Variants in FCN1 observed in about 807,000 individuals in gnomAD.
FCN1 encodes the protein ficolin-1.
FCN1 carries 42 observed loss-of-function variants against 35.6 expected under a neutral mutation model. The observed-to-expected ratio is 1.18, with a 90% CI of 0.92 to 1.53. The LOEUF is 1.53. Ranked by LOEUF, FCN1 falls within the 40% of genes most tolerant of loss-of-function variation. FCN1 has a pLI of 0.00. For missense variants in FCN1, 439 were observed against 428.4 expected, an observed-to-expected ratio of 1.02 and a Z score of -0.22; for synonymous variants, 179 against 169.8, an observed-to-expected ratio of 1.05 and a Z score of -0.42.
At chr9:134,912,954 A>T (rs1231297778) in intron 6 of FCN1, 62 bp downstream of exon 6, 6 of 1,580,066 alleles carry the variant, frequency 3.8e-6, no homozygotes, top group Non-Finnish European at 5.2e-6. Context: ...TTCTACAACC[A>T]GGTGTGCAGC....
At position 134,912,494 on chromosome 9, in the gene FCN1, G is replaced by T. The variant is rs1407677747; in HGVS notation, c.590C>A (p.Thr197Asn). 1 of 1,613,978 alleles carries T rather than the reference G, an allele frequency of 6.2e-7. No individual in the cohort carries two copies. Among genetic ancestry groups the T allele is most frequent in the South Asian group, 1.1e-5 (1 of 91,084 alleles). Reference protein sequence around the residue: ...WLGNDNIHALTAQGSSELRVD... With the variant: ...WLGNDNIHALNAQGSSELRVD... The stretch of plus-strand genomic sequence containing the variant: ...CACGGCAGTGGCCCTACCCTGGGCA[G>T]TCAGGGCGTGGATGTTGTCATTCCC... The change falls in exon 7 of 9, where the codon ACT becomes AAT. Residue 197 changes from threonine (T) to asparagine (N), a missense_variant. Transcript: ENST00000371806.
In FCN1 at chr9:134,909,357, G is replaced by A. The variant is rs920602932; in HGVS notation, c.*441C>T. On this transcript the variant is annotated 3_prime_UTR_variant, in exon 9 of 9. Coordinates refer to ENST00000371806, the MANE Select transcript of FCN1 (RefSeq NM_002003.5). ...TTGTGAGTGAGGCATGGGGGGATGG[G>A]GGAGGCTTGGGGGTGGAGGTGAGGA... The A allele has an allele frequency of 2.4e-5, 31 of 1,289,518 alleles. No homozygotes were observed. Among genetic ancestry groups the A allele is most frequent in the Middle Eastern group, 4.2e-4 (2 of 4,722 alleles). 79.9% of individuals were successfully genotyped at this position (1,289,518 alleles called of 1,614,324 possible). A position where few individuals can be genotyped will look rare whatever the true frequency, so the allele number is the denominator to read the frequency against.
rs905586223 is a variant in FCN1, at chr9:134,905,326, G to C, written c.*4472C>G. Among the ~76,000 whole-genome samples, 7 of 152,162 alleles carry C rather than the reference G, an allele frequency of 4.6e-5. No individual in the cohort carries two copies. Among genetic ancestry groups the C allele is most frequent in the Non-Finnish European group, 1.0e-4 (7 of 68,040 alleles). On this transcript the variant is annotated 3_prime_UTR_variant, in exon 9 of 9. Coordinates refer to ENST00000371806, the MANE Select transcript of FCN1 (RefSeq NM_002003.5). ...ACACTCCTACTTGAGAGGTCCCATG[G>C]CCAGGAAGAAGAGCACTGGCCCAAG...
In FCN1 at chr9:134,907,399, T is replaced by C. The variant is rs1830968176; in HGVS notation, c.*2399A>G. 6.6e-6 allele frequency: 1 copy of C among 152,246 alleles called. No individual in the cohort carries two copies. The highest frequency in any genetic ancestry group is 1.5e-5 in the Non-Finnish European group (1 of 68,042). 9.4% of individuals were successfully genotyped at this position (152,246 alleles called of 1,614,324 possible). On this transcript the variant is annotated 3_prime_UTR_variant, in exon 9 of 9. Coordinates refer to ENST00000371806, the MANE Select transcript of FCN1 (RefSeq NM_002003.5). The stretch of plus-strand genomic sequence containing the variant: ...TGGATCCAAGCATGTGCAGTTTCTT[T>C]ATAAGTAGTTTTTAAATTGTGGAAC...
chr9:134,917,865 G>A lies in FCN1; in HGVS notation c.7C>T (p.Leu3=), dbSNP rs895847498. 6.2e-7 allele frequency: 1 copy of A among 1,611,184 alleles called. No homozygotes were observed. Among genetic ancestry groups the A allele is most frequent in the East Asian group, 2.2e-5 (1 of 44,878 alleles). ...CCCCGGGCCATGGTGGCTCCACTCA[G>A]CTCCATGCTCTCTGGCCTTTGACTC... ME[L]SGATMARGLA... is the part of the protein sequence containing the mutation. Residue 3 remains leucine, a synonymous_variant, in exon 1 of 9, where the codon CTG becomes TTG. Coordinates refer to ENST00000371806, the MANE Select transcript of FCN1 (RefSeq NM_002003.5).
chr9:134,905,599 T>C lies in FCN1; in HGVS notation c.*4199A>G, dbSNP rs1242134124. Among the ~76,000 whole-genome samples the C allele has an allele frequency of 4.6e-5, 7 of 151,730 alleles. No individual in the cohort carries two copies. The East Asian group carries it at 1.4e-3, about 30-fold the overall frequency. On this transcript the variant is annotated 3_prime_UTR_variant, in exon 9 of 9. Coordinates refer to ENST00000371806, the MANE Select transcript of FCN1 (RefSeq NM_002003.5). Reference sequence around the variant, plus strand: ...CCTGGGTTCACGCCATTCTCCTGCCTCAGCTTCTCGAGTAGCTGGGACGAT... The same window carrying C: ...CCTGGGTTCACGCCATTCTCCTGCCCCAGCTTCTCGAGTAGCTGGGACGAT...
rs1011834313 is a variant in FCN1, at chr9:134,912,596, T to A, written c.488A>T (p.Asp163Val). The change falls in exon 7 of 9, where the codon GAT becomes GTT. Residue 163 changes from aspartate to valine, a missense_variant. By Grantham distance (152) the Asp-to-Val change is radical (BLOSUM62 -3). Coordinates refer to ENST00000371806, the MANE Select transcript of FCN1 (RefSeq NM_002003.5). ...GGWTVFQRRMDGSVDFYRDWA... is the reference protein window; with the variant it reads ...GGWTVFQRRMVGSVDFYRDWA... The stretch of plus-strand genomic sequence containing the variant: ...GTCCCGATAGAAGTCCACAGAGCCA[T>A]CCATCCTCCGCTGGAAAACCTGTGA... 6.2e-7 allele frequency: 1 copy of A among 1,614,098 alleles called. No homozygotes were observed. Among genetic ancestry groups the A allele is most frequent in the African/African-American group, 1.3e-5 (1 of 75,048 alleles).
chr9:134,910,939 A>G lies in FCN1; in HGVS notation c.733+194T>C, dbSNP rs149853736. On this transcript the variant is annotated intron_variant, in intron 8 of 8. Coordinates refer to ENST00000371806, the MANE Select transcript of FCN1 (RefSeq NM_002003.5). ...CCAGGCAGCTCACTGTGCGGCAGAC[A>G]TAGCCTTAGGAATACCAGCCGCTAT... 9.1e-4 allele frequency among the ~76,000 whole-genome samples: 138 copies of G among 152,322 alleles called. 1 individual carries two copies. Among genetic ancestry groups the G allele is most frequent in the African/African-American group, 3.1e-3 (127 of 41,586 alleles).
chr9:134,916,307 GC>G, intron 2 of FCN1, 40 bp downstream of exon 2: 1 of 1,431,946 alleles, frequency 7.0e-7, no homozygotes, highest in East Asian at 2.3e-5. Flanking sequence ...AAGAGCCAGT[GC>G]CCCTGCCATG....
At chr9:134,911,716 G>A (rs1042949628) in intron 7 of FCN1, among the ~76,000 whole-genome samples, 1 of 152,132 alleles carries the variant, frequency 6.6e-6, no homozygotes, top group Non-Finnish European at 1.5e-5. Flanking sequence ...AACCGGAAAT[G>A]TCAGAAAATC....
At position 134,917,830 on chromosome 9, in the gene FCN1, G is replaced by A. The variant is rs1451469339; in HGVS notation, c.42C>T (p.Val14=). The change falls in exon 1 of 9, where the codon GTC becomes GTT. Residue 14 remains valine, a synonymous_variant. Coordinates refer to ENST00000371806, the MANE Select transcript of FCN1 (RefSeq NM_002003.5). ...SGATMARGLA[V]LLVLFLHIKN... ...TGATATGCAGGAACAAGACTAGCAGGACAGCGAGCCCCCGGGCCATGGTGG... is the reference window on the plus strand; with the variant it reads ...TGATATGCAGGAACAAGACTAGCAGAACAGCGAGCCCCCGGGCCATGGTGG... 6.2e-7 allele frequency: 1 copy of A among 1,613,982 alleles called. No individual in the cohort carries two copies. Among genetic ancestry groups the A allele is most frequent in the Non-Finnish European group, 8.5e-7 (1 of 1,179,940 alleles).
rs1240265442 is a variant in FCN1 at position 134,904,848 on chromosome 9, A to C, written c.*4950T>G. ...GCAGCAAGAAGATGATCTCACACCA[A>C]AAATAATAATAATAATAAAATAGAA... On this transcript the variant is annotated 3_prime_UTR_variant, in exon 9 of 9. Transcript: ENST00000371806. Among the ~76,000 whole-genome samples the C allele has an allele frequency of 6.6e-6, 1 of 152,158 alleles. No individual in the cohort carries two copies. The highest frequency in any genetic ancestry group is 1.5e-5 in the Non-Finnish European group (1 of 68,022).
chr9:134,907,392 G>A lies in FCN1; in HGVS notation c.*2406C>T, dbSNP rs2118929485. 6.6e-6 allele frequency: 1 copy of A among 152,312 alleles called. No individual in the cohort carries two copies. The highest frequency in any genetic ancestry group is 6.5e-5 in the Admixed American group (1 of 15,300). The allele number at this position is 152,312 out of a possible 1,614,324, so 9.4% of individuals were successfully genotyped here. ...ATGTTCCTGGATCCAAGCATGTGCA[G>A]TTTCTTTATAAGTAGTTTTTAAATT... On this transcript the variant is annotated 3_prime_UTR_variant, in exon 9 of 9. Coordinates refer to ENST00000371806, the MANE Select transcript of FCN1 (RefSeq NM_002003.5).
In FCN1 at chr9:134,911,248, T is replaced by C; in HGVS notation, c.618A>G (p.Val206=). The stretch of plus-strand genomic sequence containing the variant: ...GGTTGCCCTCAAAGTCCACCAGGTC[T>C]ACACGGAGCTCGCTGCTTCCTGTTG... ...LTAQGSSELR[V]DLVDFEGNHQ... Residue 206 remains valine, a synonymous_variant, in exon 8 of 9, where the codon GTA becomes GTG. Coordinates refer to ENST00000371806, the MANE Select transcript of FCN1 (RefSeq NM_002003.5). The C allele has an allele frequency of 6.2e-7, 1 of 1,614,118 alleles. No individual in the cohort carries two copies. The highest frequency in any genetic ancestry group is 8.5e-7 in the Non-Finnish European group (1 of 1,179,960).
At position 134,903,458 on chromosome 9, in the gene FCN1, A is replaced by G. The variant is rs1398530129; in HGVS notation, c.*6340T>C. 6.6e-6 allele frequency among the ~76,000 whole-genome samples: 1 copy of G among 152,196 alleles called. No individual in the cohort carries two copies. The highest frequency in any genetic ancestry group is 1.9e-4 in the East Asian group (1 of 5,200). On this transcript the variant is annotated 3_prime_UTR_variant, in exon 9 of 9. Coordinates refer to ENST00000371806, the MANE Select transcript of FCN1 (RefSeq NM_002003.5). ...TAAGCCAGAAATCAAGAACAGAAAG[A>G]TATCTAGAAAAATCCCAAATAATTT...
chr9:134,915,601 G>A (rs1042519134), intron 2 of FCN1, among the ~76,000 whole-genome samples: 4 of 152,164 alleles, frequency 2.6e-5, no homozygotes, highest in East Asian at 1.9e-4. Flanking sequence ...ACACCCACAC[G>A]GAAGCCTAGA....
chr9:134,914,633 C>G (rs1047822758), intron 3 of FCN1, 123 bp downstream of exon 3: 1 of 928,140 alleles, frequency 1.1e-6, no homozygotes, highest in Non-Finnish European at 1.7e-6. Context: ...CTTTCTCTCT[C>G]TGTTGCCGTG....
chr9:134,914,090 A>T (rs1040629968), intron 4 of FCN1, among the ~76,000 whole-genome samples: 4 of 152,184 alleles, frequency 2.6e-5, no homozygotes, highest in Admixed American at 6.5e-5. Flanking sequence ...GCTTTTTTAA[A>T]CTTTTACAAT....
At position 134,916,430 on chromosome 9, in the gene FCN1, G is replaced by C. The variant is rs372337686; in HGVS notation, c.135C>G (p.Asp45Glu). ...GGCAGCCTCGGAGAATGGTGAGCTTGTCAGAGCCCTCCAGGCCCACCACCT... is the reference window on the plus strand; with the variant it reads ...GGCAGCCTCGGAGAATGGTGAGCTTCTCAGAGCCCTCCAGGCCCACCACCT... ...EVKVVGLEGS[D>E]KLTILRGCPG... The change falls in exon 2 of 9, where the codon GAC becomes GAG. Residue 45 changes from aspartate (D) to glutamate (E), a missense_variant. By Grantham distance (45) the Asp-to-Glu change is conservative. Coordinates refer to ENST00000371806, the MANE Select transcript of FCN1 (RefSeq NM_002003.5). 5.0e-6 allele frequency: 8 copies of C among 1,614,106 alleles called. No individual in the cohort carries two copies. Among genetic ancestry groups the C allele is most frequent in the Non-Finnish European group, 6.8e-6 (8 of 1,180,054 alleles).
Sources: gnomAD v4.1 joint callset for allele counts (sites outside exome capture counted in the v4.1 genomes callset) on GRCh38, gnomAD v4.1.1 for gene constraint, MANE v1.5 for transcripts, NCBI Gene and HGNC (gene_info 2026-07-23, HGNC 2026-07-21) for gene names.